The following LRRC8B variants were observed in gnomAD, a reference collection of about 807,000 sequenced individuals.
LRRC8B encodes the protein volume-regulated anion channel subunit LRRC8B.
Under a neutral mutation model 58.8 loss-of-function variants are expected in LRRC8B, and 23 were observed. The observed-to-expected ratio is 0.39, with a 90% CI of 0.28 to 0.55. The LOEUF (loss-of-function observed/expected upper bound fraction) is 0.55, where lower values mean the gene tolerates loss of function less well. Ranked by LOEUF, LRRC8B falls within the 20% of genes least tolerant of loss-of-function variation. The probability of loss-of-function intolerance (pLI) is 0.62; values close to 1 mark genes in which losing one functional copy is unlikely to be tolerated. For synonymous variants in LRRC8B, 359 were observed against 374.1 expected (o/e 0.96, Z 0.47); for missense variants, 694 against 936.0 (o/e 0.74, Z 3.37).
chr1:89,584,760 T>C lies in LRRC8B; in HGVS notation c.2110T>C (p.Leu704=). The stretch of plus-strand genomic sequence containing the variant: ...AGAAGAAATCCAGTATCTGAGTAAT[T>C]TGCAGTACTTTGCTGTGACCAACAA... ...IPEEIQYLSN[L]QYFAVTNNNI... The change falls in exon 5 of 6, where the codon TTG becomes CTG. Residue 704 remains leucine (L), a synonymous_variant. Transcript: ENST00000330947. 6.2e-7 allele frequency: 1 copy of C among 1,608,930 alleles called. No homozygotes were observed. The highest frequency in any genetic ancestry group is 1.1e-5 in the South Asian group (1 of 90,006).
At chr1:89,548,467 A>C (rs1651570776) in intron 1 of LRRC8B, among the ~76,000 whole-genome samples, 1 of 152,218 alleles carries the variant, frequency 6.6e-6, no homozygotes, top group Non-Finnish European at 1.5e-5. Context: ...GAGAAGGACA[A>C]TCAGAACCTT....
intron 1 of LRRC8B, among the ~76,000 whole-genome samples, chr1:89,532,126 GCTCAAATGTGTC>G (rs1161839086): frequency 4.6e-5 from 7 of 152,112 alleles, no homozygotes; most frequent in Non-Finnish European, 1.0e-4. Flanking sequence ...TCAAGAGTCA[GCTCAAATGTGTC>G]CTCAGAAATA....
intron 1 of LRRC8B, among the ~76,000 whole-genome samples, chr1:89,556,458 A>T (rs950881276): frequency 2.6e-5 from 4 of 152,158 alleles, no homozygotes; most frequent in African/African-American, 9.7e-5. Flanking sequence ...TTTATAGTCA[A>T]GTCAAACAGA....
intron 1 of LRRC8B, among the ~76,000 whole-genome samples, chr1:89,528,194 T>A (rs975109042): frequency 1.3e-5 from 2 of 152,184 alleles, no homozygotes; most frequent in Non-Finnish European, 2.9e-5. Flanking sequence ...TGCCTATTCT[T>A]CAGCTAACAA....
intron 1 of LRRC8B, among the ~76,000 whole-genome samples, chr1:89,533,417 T>C (rs143017306): frequency 1.3e-5 from 2 of 152,310 alleles, no homozygotes; most frequent in African/African-American, 4.8e-5. Context: ...CCTAAACTAT[T>C]TGCAATACAG....
At chr1:89,544,600 T>C (rs565063186) in intron 1 of LRRC8B, among the ~76,000 whole-genome samples, 4 of 150,116 alleles carry the variant, frequency 2.7e-5, no homozygotes, top group Non-Finnish European at 4.5e-5. Context: ...AACCTTATAA[T>C]AATAATAATA....
chr1:89,575,784 T>A (rs1035474204), intron 3 of LRRC8B, among the ~76,000 whole-genome samples: 1 of 152,242 alleles, frequency 6.6e-6, no homozygotes, highest in African/African-American at 2.4e-5. Flanking sequence ...GATCAAAATC[T>A]GAATCCACTT....
At chr1:89,528,109 T>A (rs990030453) in intron 1 of LRRC8B, among the ~76,000 whole-genome samples, 2 of 152,226 alleles carry the variant, frequency 1.3e-5, no homozygotes, top group African/African-American at 2.4e-5. Context: ...TTGCTTTTTT[T>A]AAATTTCAGA....
chr1:89,582,073 AT>A (rs1654266115), intron 4 of LRRC8B, among the ~76,000 whole-genome samples: 1 of 152,082 alleles, frequency 6.6e-6, no homozygotes, highest in Admixed American at 6.6e-5. Flanking sequence ...TTACTCAGAC[AT>A]TTTGGAAGGT....
At position 89,567,451 on chromosome 1, in the gene LRRC8B, G is replaced by A. The variant is rs566253538; in HGVS notation, c.-240-796G>A. ...TCAGCAAAATACTCCTCTGGTTTAGGTAAATGTTAAATAGGAGAGAGGAAT... is the reference window on the plus strand; with the variant it reads ...TCAGCAAAATACTCCTCTGGTTTAGATAAATGTTAAATAGGAGAGAGGAAT... On this transcript the variant is annotated intron_variant, in intron 1 of 5. Coordinates refer to ENST00000330947, the MANE Select transcript of LRRC8B (RefSeq NM_001369817.2). Among the ~76,000 whole-genome samples the A allele has an allele frequency of 7.9e-5, 12 of 152,246 alleles. No individual in the cohort carries two copies. The East Asian group carries it at 1.9e-3, about 24-fold the overall frequency.
rs186126980 is a variant in LRRC8B at position 89,541,646 on chromosome 1, G to T, written c.-241+16624G>T. ...GAATGGCGTGAACCCGGGAGGCGGA[G>T]CTTGCAGTGAGCCGAGATCCCGCCA... On this transcript the variant is annotated intron_variant, in intron 1 of 5. Coordinates refer to ENST00000330947, the MANE Select transcript of LRRC8B (RefSeq NM_001369817.2). Among the ~76,000 whole-genome samples the T allele has an allele frequency of 7.9e-3, 1,099 of 139,936 alleles. 10 individuals carry two copies. The highest frequency in any genetic ancestry group is 0.028 in the African/African-American group (1,058 of 37,388). The allele number at this position is 139,936 out of a possible 152,430, so 91.8% of individuals were successfully genotyped here. A position where few individuals can be genotyped will look rare whatever the true frequency, so the allele number is the denominator to read the frequency against.
intron 1 of LRRC8B, among the ~76,000 whole-genome samples, chr1:89,552,943 A>C (rs1323621413): frequency 6.6e-6 from 1 of 152,218 alleles, no homozygotes; most frequent in East Asian, 1.9e-4. Flanking sequence ...TGCTTCAGAT[A>C]ATTCCAATTG....
chr1:89,537,376 C>A (rs1185869232), intron 1 of LRRC8B, among the ~76,000 whole-genome samples: 2 of 152,106 alleles, frequency 1.3e-5, no homozygotes, highest in African/African-American at 4.8e-5. Flanking sequence ...AAACCTAATC[C>A]CAAGGTGACA....
At chr1:89,550,654 G>A (rs1407806595) in intron 1 of LRRC8B, among the ~76,000 whole-genome samples, 1 of 152,142 alleles carries the variant, frequency 6.6e-6, no homozygotes, top group Non-Finnish European at 1.5e-5. Context: ...ACTGAATATT[G>A]GAATATTAAC....
intron 1 of LRRC8B, among the ~76,000 whole-genome samples, chr1:89,547,217 G>A (rs1401984567): frequency 4.2e-5 from 5 of 119,380 alleles, no homozygotes; most frequent in African/African-American, 1.3e-4. Flanking sequence ...ATGGAAAATG[G>A]CAAAGAACCA....
At chr1:89,572,199 C>T (rs910772563) in intron 3 of LRRC8B, among the ~76,000 whole-genome samples, 2 of 152,166 alleles carry the variant, frequency 1.3e-5, no homozygotes, top group African/African-American at 4.8e-5. Context: ...AGGGTTTCAG[C>T]TGAGAGGTTC....
chr1:89,551,065 G>A (rs1253801554), intron 1 of LRRC8B, among the ~76,000 whole-genome samples: 1 of 151,994 alleles, frequency 6.6e-6, no homozygotes, highest in Non-Finnish European at 1.5e-5. Flanking sequence ...GTCCCCCTCT[G>A]GCCGTGAAGA....
intron 1 of LRRC8B, 63 bp downstream of exon 1, chr1:89,525,085 G>A (rs1649555666): frequency 6.6e-6 from 1 of 152,606 alleles, no homozygotes. Context: ...GGTGGTGGAG[G>A]AGGAGGACCG....
In LRRC8B at chr1:89,584,508, C is replaced by T. The variant is rs569734673; in HGVS notation, c.1858C>T (p.Leu620Phe). Residue 620 changes from leucine (L) to phenylalanine (F), a missense_variant, in exon 5 of 6, where the codon CTT becomes TTT. Transcript: ENST00000330947. Reference protein sequence around the residue: ...LHELDLRENNLKTVEEIISFQ... With the variant: ...LHELDLRENNFKTVEEIISFQ... The stretch of plus-strand genomic sequence containing the variant: ...TGAGTTAGACCTAAGGGAAAATAAC[C>T]TTAAAACTGTGGAAGAGATCATTAG... 2.5e-6 allele frequency: 4 copies of T among 1,614,198 alleles called. No individual in the cohort carries two copies. The African/African-American group carries it at 5.3e-5, about 22-fold the overall frequency.
Sources: gnomAD v4.1 joint callset for allele counts (sites outside exome capture counted in the v4.1 genomes callset) on GRCh38, gnomAD v4.1.1 for gene constraint, MANE v1.5 for transcripts, NCBI Gene and HGNC (gene_info 2026-07-23, HGNC 2026-07-21) for gene names.